The following ATP13A5 variants were observed in gnomAD, a reference collection of about 807,000 sequenced individuals.
ATP13A5 encodes the protein ATPase 13A5, also known as probable cation-transporting ATPase 13A5.
Under a neutral mutation model 150.2 loss-of-function variants are expected in ATP13A5, and 149 were observed. That is an observed-to-expected ratio of 0.99 (90% confidence interval 0.87 to 1.14). ATP13A5 has a LOEUF of 1.14. Ranked by LOEUF, ATP13A5 falls within the 50% of genes most tolerant of loss-of-function variation. The pLI is 0.00. For missense variants in ATP13A5, 1,383 were observed against 1,449.3 expected (o/e 0.95, Z 0.74); for synonymous variants, 497 against 522.2 (o/e 0.95, Z 0.66).
At chr3:193,341,552 CT>C (rs751095921) in intron 9 of ATP13A5, among the ~76,000 whole-genome samples, 5 of 152,104 alleles carry the variant, frequency 3.3e-5, no homozygotes, top group Non-Finnish European at 7.4e-5. Context: ...CCAGGATCTG[CT>C]GCCCTGTCCA....
intron 22 of ATP13A5, 156 bp downstream of exon 22, chr3:193,307,171 G>A (rs756995156): frequency 2.2e-5 from 33 of 1,481,484 alleles, no homozygotes; most frequent in East Asian, 7.5e-5. Context: ...ACTCCCCTCC[G>A]CTTCCAACCC....
chr3:193,310,844 C>T (rs1369663184), intron 20 of ATP13A5, 127 bp from the exon 21 acceptor site: 2 of 589,028 alleles, frequency 3.4e-6, no homozygotes, highest in Non-Finnish European at 5.8e-6. Context: ...TGTCATTAGA[C>T]CAATACCAGG....
intron 1 of ATP13A5, among the ~76,000 whole-genome samples, chr3:193,364,591 A>G (rs1713171791): frequency 6.6e-6 from 1 of 152,098 alleles, no homozygotes; most frequent in Non-Finnish European, 1.5e-5. Flanking sequence ...GTTTTGAGGC[A>G]GATTTATTTT....
chr3:193,321,945 G>GTAGT, intron 15 of ATP13A5, 108 bp from the exon 16 acceptor site: 1 of 1,235,266 alleles, frequency 8.1e-7, no homozygotes, highest in Non-Finnish European at 1.1e-6. Context: ...ACATCTTGAT[G>GTAGT]TAGTATATTT....
At chr3:193,376,347 A>G (rs1713642771) in intron 1 of ATP13A5, among the ~76,000 whole-genome samples, 1 of 152,082 alleles carries the variant, frequency 6.6e-6, no homozygotes, top group African/African-American at 2.4e-5. Context: ...CTCACATGGT[A>G]GAAGGGACAA....
intron 14 of ATP13A5, among the ~76,000 whole-genome samples, chr3:193,322,849 A>G (rs1401877582): frequency 1.3e-5 from 2 of 152,172 alleles, no homozygotes; most frequent in African/African-American, 4.8e-5. Context: ...GGATCTTTCT[A>G]AATGATTACA....
chr3:193,364,350 A>G, intron 1 of ATP13A5, 70 bp from the exon 2 acceptor site: 1 of 1,537,458 alleles, frequency 6.5e-7, no homozygotes, highest in Non-Finnish European at 8.8e-7. Flanking sequence ...TTCTTTCAAT[A>G]AACCAAACTT....
intron 3 of ATP13A5, 101 bp from the exon 4 acceptor site, chr3:193,362,738 T>G: frequency 1.0e-6 from 1 of 967,216 alleles, no homozygotes; most frequent in South Asian, 1.3e-5. Context: ...CTTGTGGGTC[T>G]CACTTGCTTT....
At chr3:193,287,292 A>G (rs1717761232) in intron 26 of ATP13A5, among the ~76,000 whole-genome samples, 1 of 152,198 alleles carries the variant, frequency 6.6e-6, no homozygotes, top group Non-Finnish European at 1.5e-5. Context: ...GAAATGAAAC[A>G]GCCTCTTCTA....
At chr3:193,358,667 T>C (rs1057235342) in intron 5 of ATP13A5, among the ~76,000 whole-genome samples, 1 of 152,228 alleles carries the variant, frequency 6.6e-6, no homozygotes, top group African/African-American at 2.4e-5. Flanking sequence ...ATTGCCTAAA[T>C]TGCATGTTTT....
intron 24 of ATP13A5, among the ~76,000 whole-genome samples, chr3:193,300,797 T>C (rs1214934974): frequency 6.6e-6 from 1 of 152,220 alleles, no homozygotes; most frequent in Non-Finnish European, 1.5e-5. Context: ...GAAAGGTCTT[T>C]AGCATTCTAG....
At chr3:193,279,240 A>G in intron 28 of ATP13A5, 126 bp downstream of exon 28, 5 of 701,120 alleles carry the variant, frequency 7.1e-6, no homozygotes, top group South Asian at 5.8e-5. Flanking sequence ...CCCTTCTAGT[A>G]TATAGAAATA....
intron 25 of ATP13A5, among the ~76,000 whole-genome samples, chr3:193,295,537 C>A (rs1718133152): frequency 6.6e-6 from 1 of 152,056 alleles, no homozygotes; most frequent in African/African-American, 2.4e-5. Context: ...CCCCACTGAA[C>A]TCTGAACTTG....
intron 7 of ATP13A5, among the ~76,000 whole-genome samples, chr3:193,345,646 T>A (rs149129177): frequency 6.6e-6 from 1 of 152,154 alleles, no homozygotes; most frequent in Non-Finnish European, 1.5e-5. Context: ...TCGCTGAAGA[T>A]TGGCCAAGAC....
chr3:193,277,887 A>G (rs772852764), intron 28 of ATP13A5: 2 of 152,172 alleles, frequency 1.3e-5, no homozygotes, highest in Non-Finnish European at 2.9e-5. Flanking sequence ...GTGCAGTGGC[A>G]CAATTTCAGC....
intron 14 of ATP13A5, among the ~76,000 whole-genome samples, chr3:193,322,827 C>T (rs116537887): frequency 0.012 from 1,823 of 152,266 alleles, 21 homozygotes; most frequent in Middle Eastern, 0.034. Flanking sequence ...GAAGTGCTAG[C>T]TACAGGTCCA....
Position 193,300,472 on chromosome 3 carries a change from T to C in ATP13A5, c.2775+739A>G, listed in dbSNP as rs573596387. 2.2e-3 allele frequency among the ~76,000 whole-genome samples: 337 copies of C among 152,284 alleles called. 1 individual carries two copies. Among genetic ancestry groups the C allele is most frequent in the Non-Finnish European group, 3.7e-3 (252 of 68,004 alleles). On this transcript the variant is annotated intron_variant, in intron 24 of 29. Transcript: ENST00000342358. ...CTCTGTGTGTGATTCTTGCAAGCAATAGCCCACTGGATGGTATAATCTTGT... is the reference window on the plus strand; with the variant it reads ...CTCTGTGTGTGATTCTTGCAAGCAACAGCCCACTGGATGGTATAATCTTGT...
intron 27 of ATP13A5, chr3:193,281,255 G>T: frequency 2.1e-6 from 2 of 975,592 alleles, no homozygotes; most frequent in Non-Finnish European, 2.4e-6. Context: ...CTGTTCTGAT[G>T]AAGTCCTAGA....
At chr3:193,303,057 A>G (rs1718466519) in intron 23 of ATP13A5, among the ~76,000 whole-genome samples, 1 of 152,184 alleles carries the variant, frequency 6.6e-6, no homozygotes, top group Non-Finnish European at 1.5e-5. Flanking sequence ...CTGCATGTTG[A>G]ATGGATCAAG....
Sources: allele counts gnomAD v4.1 joint callset (sites outside exome capture counted in the v4.1 genomes callset), GRCh38; gene constraint gnomAD v4.1.1; transcripts MANE v1.5; gene names NCBI Gene and HGNC (gene_info 2026-07-23, HGNC 2026-07-21).